SMIM42: variants seen among roughly 807,000 people sequenced by gnomAD.
SMIM42 encodes small integral membrane protein 42.
chr1:158,128,221 A>G (rs1325211096), exon 1 of SMIM42, among the ~76,000 whole-genome samples: 1 of 152,184 alleles, frequency 6.6e-6, no homozygotes, highest in Non-Finnish European at 1.5e-5. Flanking sequence ...ACATGGGGCT[A>G]TTCTCCTTTG....
chr1:158,127,601 CA>C (rs145650991), exon 1 of SMIM42, among the ~76,000 whole-genome samples: 6,746 of 116,174 alleles, frequency 0.058, 368 homozygotes, highest in African/African-American at 0.18. Context: ...TGAAGATCCA[CA>C]AAAAAAAAAA....
exon 1 of SMIM42, among the ~76,000 whole-genome samples, chr1:158,127,341 A>G (rs7528954): frequency 0.65 from 98,292 of 151,774 alleles, 31,832 homozygotes; most frequent in Admixed American, 0.71. Context: ...AGAGGAGGAA[A>G]GAGTGTACCT....
At chr1:158,128,241 G>T (rs1662856330) in exon 1 of SMIM42, among the ~76,000 whole-genome samples, 1 of 152,162 alleles carries the variant, frequency 6.6e-6, no homozygotes, top group African/African-American at 2.4e-5. Flanking sequence ...GGATGTAATG[G>T]AGAAGGCATA....
rs199976448 is a variant in SMIM42 at position 158,127,629 on chromosome 1, C to T, written c.*233G>A. Among the ~76,000 whole-genome samples the T allele has an allele frequency of 1.0e-4, 14 of 136,060 alleles. No individual in the cohort carries two copies. In the East Asian group the frequency reaches 3.2e-3, roughly 31 times the overall value. The allele number at this position is 136,060 out of a possible 152,430, so 89.3% of individuals were successfully genotyped here. On this transcript the variant is annotated 3_prime_UTR_variant, in exon 1 of 1. Transcript: ENST00000672824. ...AAAAAAAAAAAAAAAAAAAGACATT[C>T]AAACTCAGAAGCTGGGACAAGCCAA...
chr1:158,127,649 A>T (rs1662848917), exon 1 of SMIM42, among the ~76,000 whole-genome samples: 1 of 150,452 alleles, frequency 6.6e-6, no homozygotes, highest in African/African-American at 2.4e-5. Context: ...AGCTGGGACA[A>T]GCCAAAGAAC....
At chr1:158,127,459 A>C (rs1662845878) in exon 1 of SMIM42, among the ~76,000 whole-genome samples, 1 of 152,184 alleles carries the variant, frequency 6.6e-6, no homozygotes, top group African/African-American at 2.4e-5. Flanking sequence ...CAATAATTTC[A>C]ATATCCCACA....
rs750629697 is a variant in SMIM42 at position 158,128,255 on chromosome 1, G to A, written c.-181C>T. ...TGGATGTAATGGAGAAGGCATAGAC[G>A]TTTGCTCAGCAAGGCCAAACAACTG... On this transcript the variant is annotated 5_prime_UTR_variant, in exon 1 of 1. The change creates a new upstream start codon in the 5' untranslated region. Coordinates refer to ENST00000672824, the Ensembl canonical transcript of SMIM42. Among the ~76,000 whole-genome samples, 21 of 152,160 alleles carry A rather than the reference G, an allele frequency of 1.4e-4. No individual in the cohort carries two copies. Among genetic ancestry groups the A allele is most frequent in the African/African-American group, 4.8e-4 (20 of 41,426 alleles).
At chr1:158,127,873 A>C (rs1571028565) in exon 1 of SMIM42, among the ~76,000 whole-genome samples, 1 of 152,028 alleles carries the variant, frequency 6.6e-6, no homozygotes, top group Middle Eastern at 3.2e-3. Context: ...TATGGCAGCC[A>C]TGTTGCCTCC....
At chr1:158,127,422 T>C (rs1042060759) in exon 1 of SMIM42, among the ~76,000 whole-genome samples, 2 of 152,128 alleles carry the variant, frequency 1.3e-5, no homozygotes, top group Non-Finnish European at 2.9e-5. Flanking sequence ...ATAGCTTCAT[T>C]ATATAACTTG....
At chr1:158,127,590 T>A (rs1400546941) in exon 1 of SMIM42, among the ~76,000 whole-genome samples, 1 of 129,704 alleles carries the variant, frequency 7.7e-6, no homozygotes, top group African/African-American at 3.0e-5. Context: ...TATTTCAGTC[T>A]TGAAGATCCA....
chr1:158,127,307 C>T (rs1355520227), exon 1 of SMIM42, among the ~76,000 whole-genome samples: 1 of 151,934 alleles, frequency 6.6e-6, no homozygotes, highest in Admixed American at 6.6e-5. Context: ...AAAAAAAATA[C>T]ATTTTACTCC....
At chr1:158,127,719 G>A (rs1350846761) in exon 1 of SMIM42, among the ~76,000 whole-genome samples, 3 of 152,106 alleles carry the variant, frequency 2.0e-5, no homozygotes, top group Non-Finnish European at 4.4e-5. Flanking sequence ...GGCCTGGGGG[G>A]ACATCTGGCA....
chr1:158,127,586 A>G (rs1354643874), exon 1 of SMIM42, among the ~76,000 whole-genome samples: 1 of 132,558 alleles, frequency 7.5e-6, no homozygotes, highest in African/African-American at 2.9e-5. Context: ...TTACTATTTC[A>G]GTCTTGAAGA....
chr1:158,127,821 G>A (rs1232334474), exon 1 of SMIM42, among the ~76,000 whole-genome samples: 2 of 152,104 alleles, frequency 1.3e-5, no homozygotes, highest in Admixed American at 1.3e-4. Context: ...GTACAATCAG[G>A]TCTTCACCTC....
At chr1:158,127,685 G>A (rs149335682) in exon 1 of SMIM42, among the ~76,000 whole-genome samples, 10 of 152,122 alleles carry the variant, frequency 6.6e-5, no homozygotes, top group African/African-American at 2.4e-4. Context: ...TTATAAGAGG[G>A]ATGGTGGCAG....
chr1:158,128,153 G>A lies in SMIM42; in HGVS notation c.-79C>T, dbSNP rs1018666337. Among the ~76,000 whole-genome samples, 2 of 152,116 alleles carry A rather than the reference G, an allele frequency of 1.3e-5. No homozygotes were observed. Among genetic ancestry groups the A allele is most frequent in the Admixed American group, 1.3e-4 (2 of 15,274 alleles). The stretch of plus-strand genomic sequence containing the variant: ...CACCAAGAGAATTGGGCTTGCTCTT[G>A]TTGTATCCTAGGAGTGGATATGGTA... On this transcript the variant is annotated 5_prime_UTR_variant, in exon 1 of 1. It introduces an in-frame stop codon into an upstream open reading frame of the 5' UTR. Coordinates refer to ENST00000672824, the Ensembl canonical transcript of SMIM42.
exon 1 of SMIM42, among the ~76,000 whole-genome samples, chr1:158,127,413 T>G (rs1275316062): frequency 6.6e-6 from 1 of 152,152 alleles, no homozygotes; most frequent in African/African-American, 2.4e-5. Context: ...GCTTCCAGAA[T>G]AGCTTCATTA....
chr1:158,127,857 G>T (rs1371984351), exon 1 of SMIM42, among the ~76,000 whole-genome samples: 1 of 152,158 alleles, frequency 6.6e-6, no homozygotes, highest in Non-Finnish European at 1.5e-5. Flanking sequence ...AAGAGATCCA[G>T]ATCTTTATGG....
chr1:158,127,296 TA>T (rs1038346376), exon 1 of SMIM42, among the ~76,000 whole-genome samples: 3 of 151,822 alleles, frequency 2.0e-5, no homozygotes, highest in Admixed American at 6.6e-5. Flanking sequence ...CATTTCTTAA[TA>T]AAAAAAATAC....
Sources: allele counts gnomAD v4.1 joint callset (sites outside exome capture counted in the v4.1 genomes callset), GRCh38; gene constraint gnomAD v4.1.1; transcripts MANE v1.5; gene names NCBI Gene and HGNC (gene_info 2026-07-23, HGNC 2026-07-21).